The following POFUT3 variants were observed in gnomAD, a reference collection of about 807,000 sequenced individuals.
The protein encoded by POFUT3 is protein O-fucosyltransferase 3.
At chr8:33,331,820 C>T in the POFUT3 span, among the ~76,000 whole-genome samples, 2 of 151,982 alleles carry the variant, frequency 1.3e-5, no homozygotes, top group Non-Finnish European at 2.9e-5. Flanking sequence ...GGACTACAGG[C>T]GCCCGCCACC....
the POFUT3 span, among the ~76,000 whole-genome samples, chr8:33,456,086 A>G: frequency 1.6e-3 from 238 of 152,298 alleles, no homozygotes; most frequent in Non-Finnish European, 2.9e-3. Flanking sequence ...TTATGATGGA[A>G]CAATGTGGCT....
At chr8:33,343,096 G>T in the POFUT3 span, among the ~76,000 whole-genome samples, 1 of 145,414 alleles carries the variant, frequency 6.9e-6, no homozygotes, top group East Asian at 2.1e-4. Context: ...GGGCGACAGA[G>T]CAAGACTCCG....
At chr8:33,318,446 G>C in the POFUT3 span, among the ~76,000 whole-genome samples, 5 of 140,944 alleles carry the variant, frequency 3.5e-5, no homozygotes, top group African/African-American at 1.0e-4. Context: ...GTATTTATAT[G>C]TGTGTGTGTA....
the POFUT3 span, among the ~76,000 whole-genome samples, chr8:33,437,223 A>G: frequency 6.6e-6 from 1 of 152,094 alleles, no homozygotes; most frequent in Non-Finnish European, 1.5e-5. Context: ...TATGATGAAC[A>G]TGCGAGTGCA....
the POFUT3 span, among the ~76,000 whole-genome samples, chr8:33,427,520 G>A: frequency 8.6e-5 from 13 of 151,856 alleles, no homozygotes; most frequent in South Asian, 4.2e-4. Context: ...CAGAGGTTGC[G>A]GTGAGCCAAG....
the POFUT3 span, among the ~76,000 whole-genome samples, chr8:33,391,226 A>C: frequency 6.6e-6 from 1 of 152,246 alleles, no homozygotes; most frequent in Non-Finnish European, 1.5e-5. Context: ...TACATCAATG[A>C]GAAATCAATT....
the POFUT3 span, among the ~76,000 whole-genome samples, chr8:33,357,680 T>C: frequency 1.3e-5 from 2 of 152,110 alleles, no homozygotes; most frequent in African/African-American, 4.8e-5. Context: ...AAAAATTTGT[T>C]GTGCATGCAC....
chr8:33,313,791 C>A, the POFUT3 span, among the ~76,000 whole-genome samples: 2 of 152,220 alleles, frequency 1.3e-5, no homozygotes, highest in African/African-American at 2.4e-5. Context: ...CAATTGTGCC[C>A]ATTTTTCTCT....
At chr8:33,386,018 G>C in the POFUT3 span, among the ~76,000 whole-genome samples, 1 of 151,622 alleles carries the variant, frequency 6.6e-6, no homozygotes. Flanking sequence ...CGGAAACTCT[G>C]TCTCTACTAA....
chr8:33,367,544 T>C, the POFUT3 span, among the ~76,000 whole-genome samples: 1 of 152,140 alleles, frequency 6.6e-6, no homozygotes, highest in African/African-American at 2.4e-5. Flanking sequence ...TTCACACCTC[T>C]ATATTTCTGT....
the POFUT3 span, among the ~76,000 whole-genome samples, chr8:33,435,795 C>T: frequency 2.6e-5 from 4 of 152,116 alleles, no homozygotes; most frequent in Admixed American, 6.5e-5. Flanking sequence ...GAATTACAAA[C>T]CTGAGCCACC....
the POFUT3 span, chr8:33,389,540 G>C: frequency 6.2e-7 from 1 of 1,614,180 alleles, no homozygotes; most frequent in Non-Finnish European, 8.5e-7. Context: ...CACCAGCGGA[G>C]CAAGTCTTTT....
the POFUT3 span, among the ~76,000 whole-genome samples, chr8:33,310,008 G>T: frequency 5.3e-5 from 8 of 152,122 alleles, no homozygotes; most frequent in African/African-American, 1.9e-4. Flanking sequence ...TCTTCTCTAT[G>T]CCTGAGTAGA....
At chr8:33,349,505 C>A in the POFUT3 span, among the ~76,000 whole-genome samples, 2 of 152,132 alleles carry the variant, frequency 1.3e-5, no homozygotes, top group Admixed American at 6.6e-5. Flanking sequence ...CATAGCTTAG[C>A]TCTCACTTGT....
chr8:33,361,762 T>C, the POFUT3 span, among the ~76,000 whole-genome samples: 6 of 152,192 alleles, frequency 3.9e-5, no homozygotes, highest in Non-Finnish European at 8.8e-5. Context: ...TGCAAAATAA[T>C]CATAATTTCC....
At chr8:33,320,997 C>T in the POFUT3 span, among the ~76,000 whole-genome samples, 2 of 152,058 alleles carry the variant, frequency 1.3e-5, no homozygotes, top group Non-Finnish European at 2.9e-5. Context: ...ACGCTAGCTA[C>T]CACCATCAAT....
At chr8:33,336,079 C>T in the POFUT3 span, among the ~76,000 whole-genome samples, 1 of 152,288 alleles carries the variant, frequency 6.6e-6, no homozygotes, top group Middle Eastern at 3.4e-3. Flanking sequence ...TCTTCAATTT[C>T]TGTGTTATTC....
the POFUT3 span, among the ~76,000 whole-genome samples, chr8:33,379,956 CTATA>C: frequency 2.0e-5 from 2 of 98,252 alleles, no homozygotes; most frequent in South Asian, 5.4e-4. Context: ...CCTATATATA[CTATA>C]TATACACTAT....
At chr8:33,435,879 C>A in the POFUT3 span, among the ~76,000 whole-genome samples, 1 of 151,008 alleles carries the variant, frequency 6.6e-6, no homozygotes, top group East Asian at 1.9e-4. Context: ...TTTATCTCAC[C>A]GGAGAGAAAA....
Sources: gnomAD v4.1 joint callset for allele counts (sites outside exome capture counted in the v4.1 genomes callset) on GRCh38, gnomAD v4.1.1 for gene constraint, MANE v1.5 for transcripts, NCBI Gene and HGNC (gene_info 2026-07-23, HGNC 2026-07-21) for gene names.